The following RAB3IP variants were observed in gnomAD, a reference collection of about 807,000 sequenced individuals.
RAB3IP encodes the protein rab-3A-interacting protein.
In RAB3IP, 36 loss-of-function variants were observed where a neutral mutation model predicts 59.1. The observed-to-expected ratio is 0.61, with a 90% CI of 0.47 to 0.80. RAB3IP has a LOEUF of 0.80. Among genes scored for constraint, RAB3IP ranks in the 30% least tolerant of loss-of-function variants. The pLI is 0.00. For synonymous variants in RAB3IP, 207 were observed against 191.2 expected (o/e 1.08, Z -0.68); for missense variants, 511 against 536.0 (o/e 0.95, Z 0.46).
chr12:69,775,406 C>G (rs1450640909), intron 3 of RAB3IP, among the ~76,000 whole-genome samples: 1 of 139,538 alleles, frequency 7.2e-6, no homozygotes, highest in East Asian at 2.2e-4. Context: ...CCCTTTATTT[C>G]CTTCTTCTGC....
chr12:69,805,569 T>G (rs1191642540), intron 8 of RAB3IP, among the ~76,000 whole-genome samples: 1 of 151,354 alleles, frequency 6.6e-6, no homozygotes, highest in Non-Finnish European at 1.5e-5. Context: ...ATCCCTGTCT[T>G]GTGCCAGTTT....
At chr12:69,785,842 C>T (rs1426912363) in intron 4 of RAB3IP, among the ~76,000 whole-genome samples, 2 of 152,136 alleles carry the variant, frequency 1.3e-5, no homozygotes, top group African/African-American at 4.8e-5. Context: ...GTAATACCCC[C>T]GGTCATTTTG....
intron 3 of RAB3IP, among the ~76,000 whole-genome samples, chr12:69,757,899 C>T (rs1305144900): frequency 2.0e-5 from 3 of 152,154 alleles, no homozygotes; most frequent in Non-Finnish European, 4.4e-5. Flanking sequence ...TTGATCAGAA[C>T]AGATTGCTAA....
intron 3 of RAB3IP, among the ~76,000 whole-genome samples, chr12:69,773,038 C>A (rs1437581439): frequency 6.6e-6 from 1 of 152,082 alleles, no homozygotes; most frequent in Non-Finnish European, 1.5e-5. Context: ...ATCTTCATTT[C>A]TGAAAGATGG....
intron 3 of RAB3IP, among the ~76,000 whole-genome samples, chr12:69,759,728 CG>C (rs1870945525): frequency 6.8e-6 from 1 of 147,446 alleles, no homozygotes; most frequent in Admixed American, 6.7e-5. Flanking sequence ...CCGGACGGGG[CG>C]GCTGCCGGGC....
chr12:69,790,835 C>T (rs903553441), intron 4 of RAB3IP, among the ~76,000 whole-genome samples: 6 of 152,202 alleles, frequency 3.9e-5, no homozygotes, highest in Admixed American at 3.3e-4. Flanking sequence ...CTACCTGCCT[C>T]AGCCTCCCAA....
At chr12:69,770,620 G>C (rs1239988334) in intron 3 of RAB3IP, among the ~76,000 whole-genome samples, 1 of 152,010 alleles carries the variant, frequency 6.6e-6, no homozygotes, top group Non-Finnish European at 1.5e-5. Flanking sequence ...TCTCTTGCTT[G>C]AAATACTGCA....
chr12:69,807,912 C>T (rs967722414), intron 8 of RAB3IP, among the ~76,000 whole-genome samples: 6 of 150,632 alleles, frequency 4.0e-5, no homozygotes, highest in Non-Finnish European at 5.9e-5. Context: ...ATGGGGCGGC[C>T]GGGCGGAGGC....
At chr12:69,802,631 G>C (rs1878571645) in intron 8 of RAB3IP, among the ~76,000 whole-genome samples, 1 of 152,232 alleles carries the variant, frequency 6.6e-6, no homozygotes, top group African/African-American at 2.4e-5. Flanking sequence ...GGACTGGAAA[G>C]ACTGAGAGAG....
intron 8 of RAB3IP, among the ~76,000 whole-genome samples, chr12:69,802,895 C>T (rs1448443829): frequency 2.6e-5 from 4 of 152,182 alleles, no homozygotes; most frequent in East Asian, 3.9e-4. Context: ...TCAAGCCACA[C>T]GTGTAGCACG....
At chr12:69,813,250 T>C (rs1880706242) in intron 10 of RAB3IP, among the ~76,000 whole-genome samples, 1 of 152,198 alleles carries the variant, frequency 6.6e-6, no homozygotes. Context: ...TTTATTTGCC[T>C]CATTTTACTC....
chr12:69,753,350 G>C (rs1869644707), intron 1 of RAB3IP, among the ~76,000 whole-genome samples: 2 of 151,982 alleles, frequency 1.3e-5, no homozygotes, highest in South Asian at 2.1e-4. Flanking sequence ...TATATTGTTT[G>C]GTTTGGCATT....
intron 8 of RAB3IP, among the ~76,000 whole-genome samples, chr12:69,809,718 A>C (rs887457759): frequency 3.3e-5 from 5 of 151,858 alleles, no homozygotes; most frequent in African/African-American, 1.2e-4. Context: ...TGCATTCGTC[A>C]CGTAGTTCTC....
At chr12:69,800,439 T>C (rs1403159151) in intron 7 of RAB3IP, 102 bp downstream of exon 7, 4 of 698,792 alleles carry the variant, frequency 5.7e-6, no homozygotes, top group Non-Finnish European at 4.3e-6. Context: ...ATAAATAAGT[T>C]ATTATAAAAT....
rs372490291 is a variant in RAB3IP, at chr12:69,815,478, G to A, written c.*32G>A. The A allele has an allele frequency of 2.7e-5, 38 of 1,385,526 alleles. No homozygotes were observed. The African/African-American group carries it at 3.3e-4, about 12-fold the overall frequency. The allele number at this position is 1,385,526 out of a possible 1,614,324, so 85.8% of individuals were successfully genotyped here. On this transcript the variant is annotated 3_prime_UTR_variant, in exon 11 of 11. Transcript: ENST00000247833. ...GCGTGGGACCATGCCTGAACTCCCC[G>A]AATAACTGAAAAATGGCTGAATATT...
At chr12:69,740,857 T>C (rs1179698937) in intron 1 of RAB3IP, among the ~76,000 whole-genome samples, 1 of 152,260 alleles carries the variant, frequency 6.6e-6, no homozygotes, top group Non-Finnish European at 1.5e-5. Flanking sequence ...TAGTTTTATA[T>C]GCATTATAGT....
chr12:69,739,875 G>A, intron 1 of RAB3IP: 1 of 1,613,992 alleles, frequency 6.2e-7, no homozygotes, highest in Non-Finnish European at 8.5e-7. Context: ...AAAGGGTAAG[G>A]TCTTGAAAGA....
Position 69,812,813 on chromosome 12 carries a change from AAC to A in RAB3IP, c.1170_1171del (p.His390GlnfsTer3), listed in dbSNP as rs763145019. On this transcript the variant is annotated frameshift_variant, in exon 9 of 11. Transcript: ENST00000247833. LOFTEE classifies it high-confidence loss of function. ...CTCACTGGCCAGAGTAAGTCCTGTA[AAC>A]ACAGAATTAAATTAGGGGACTCAAG... 4 of 1,613,348 alleles carry A rather than the reference AAC, an allele frequency of 2.5e-6. No homozygotes were observed. Among genetic ancestry groups the A allele is most frequent in the Middle Eastern group, 1.7e-4 (1 of 6,056 alleles).
At position 69,747,331 on chromosome 12, in the gene RAB3IP, T is replaced by TGTGTGA. The variant is rs1165639333; in HGVS notation, c.-25-8052_-25-8051insTGTGAG. 8.9e-3 allele frequency among the ~76,000 whole-genome samples: 766 copies of TGTGTGA among 85,934 alleles called. 12 individuals carry two copies. The highest frequency in any genetic ancestry group is 0.025 in the African/African-American group (666 of 26,450). The allele number at this position is 85,934 out of a possible 152,430, so 56.4% of individuals were successfully genotyped here. A position where few individuals can be genotyped will look rare whatever the true frequency, so the allele number is the denominator to read the frequency against. On this transcript the variant is annotated intron_variant, in intron 1 of 10. Coordinates refer to ENST00000247833, the MANE Select transcript of RAB3IP (RefSeq NM_022456.5). ...GTGTGTGTGTGTGTGTGTGTGTGTG[T>TGTGTGA]GAGAGAGAGAGAGAGAGAGGATCTT... is the stretch of plus-strand genomic sequence containing the variant.
Sources: gnomAD v4.1 joint callset for allele counts (sites outside exome capture counted in the v4.1 genomes callset) on GRCh38, gnomAD v4.1.1 for gene constraint, MANE v1.5 for transcripts, NCBI Gene and HGNC (gene_info 2026-07-23, HGNC 2026-07-21) for gene names.